The following ACTL8 variants were observed in gnomAD, a reference collection of about 807,000 sequenced individuals.
The protein encoded by ACTL8 is actin-like protein 8.
A neutral mutation model predicts 9.3 loss-of-function variants in ACTL8; 3 were observed. That is an observed-to-expected ratio of 0.32 (90% CI 0.15 to 0.83). The LOEUF is 0.83. Ranked by LOEUF, ACTL8 falls within the 40% of genes least tolerant of loss-of-function variation. ACTL8 has a pLI of 0.57. For missense variants in ACTL8, 381 were observed against 492.2 expected, an observed-to-expected ratio of 0.77 and a Z score of 2.14; for synonymous variants, 224 against 205.9, an observed-to-expected ratio of 1.09 and a Z score of -0.75.
Position 17,757,603 on chromosome 1 carries a change from G to A in ACTL8, c.-25+2099G>A, listed in dbSNP as rs2065976951. 2.0e-5 allele frequency among the ~76,000 whole-genome samples: 3 copies of A among 151,824 alleles called. No homozygotes were observed. In the South Asian group the frequency reaches 6.3e-4, roughly 32 times the overall value. On this transcript the variant is annotated intron_variant, in intron 1 of 2. Coordinates refer to ENST00000375406, the MANE Select transcript of ACTL8 (RefSeq NM_030812.3). The stretch of plus-strand genomic sequence containing the variant: ...CGGCTGGAGCAGATGCTGTTCTCAA[G>A]ACTCATCACAGCCACCTGCTGTTGT...
chr1:17,763,602 A>G (rs1483788389), intron 1 of ACTL8, among the ~76,000 whole-genome samples: 1 of 152,166 alleles, frequency 6.6e-6, no homozygotes, highest in Non-Finnish European at 1.5e-5. Context: ...CTGGCTCCAC[A>G]GCCTTTGTAA....
chr1:17,799,837 A>T (rs1389526545), intron 1 of ACTL8, among the ~76,000 whole-genome samples: 1 of 105,440 alleles, frequency 9.5e-6, no homozygotes, highest in African/African-American at 3.7e-5. Flanking sequence ...CGCCCCCACC[A>T]CCCACATCCA....
chr1:17,801,659 T>C (rs2066323495), intron 1 of ACTL8, among the ~76,000 whole-genome samples: 1 of 152,206 alleles, frequency 6.6e-6, no homozygotes, highest in African/African-American at 2.4e-5. Context: ...GCTCAAAGCA[T>C]ACAAAATTAA....
At chr1:17,819,785 C>CT (rs1309857035) in intron 1 of ACTL8, among the ~76,000 whole-genome samples, 5 of 152,044 alleles carry the variant, frequency 3.3e-5, no homozygotes. Flanking sequence ...AATCCCAGCA[C>CT]TTTGGGAGGC....
chr1:17,784,970 A>G (rs1205749890), intron 1 of ACTL8, among the ~76,000 whole-genome samples: 1 of 152,246 alleles, frequency 6.6e-6, no homozygotes, highest in Non-Finnish European at 1.5e-5. Flanking sequence ...TTTTACATGG[A>G]TGGCAGCAGG....
intron 1 of ACTL8, among the ~76,000 whole-genome samples, chr1:17,820,075 A>G (rs889869055): frequency 1.3e-5 from 2 of 152,210 alleles, no homozygotes; most frequent in African/African-American, 2.4e-5. Flanking sequence ...AATTTAACAA[A>G]TGCATACAGA....
chr1:17,812,023 A>C (rs12136011), intron 1 of ACTL8, among the ~76,000 whole-genome samples: 2 of 151,144 alleles, frequency 1.3e-5, no homozygotes, highest in Non-Finnish European at 1.5e-5. Context: ...TAATTTTTTT[A>C]TTTTTTGTAT....
intron 1 of ACTL8, among the ~76,000 whole-genome samples, chr1:17,816,335 G>A (rs2066425974): frequency 1.3e-5 from 2 of 151,606 alleles, no homozygotes; most frequent in African/African-American, 4.9e-5. Flanking sequence ...CTGAGTAGCT[G>A]GGACCACAGG....
In ACTL8 at chr1:17,767,829, C is replaced by T. The variant is rs182563222; in HGVS notation, c.-25+12325C>T. Among the ~76,000 whole-genome samples the T allele has an allele frequency of 3.0e-4, 45 of 152,204 alleles. 1 individual carries two copies. The highest frequency in any genetic ancestry group is 2.1e-3 in the Admixed American group (32 of 15,290). ...CAGTCTGATGCCGTGACTGCTGACA[C>T]GGGAGGAATGACACTGCGTTACTCA... On this transcript the variant is annotated intron_variant, in intron 1 of 2. Coordinates refer to ENST00000375406, the MANE Select transcript of ACTL8 (RefSeq NM_030812.3). This position sits in a 1 kb window ranked among gnomAD's most constrained non-coding sequence, Gnocchi z 4.7.
chr1:17,798,939 C>T (rs186409343), intron 1 of ACTL8, among the ~76,000 whole-genome samples: 16 of 152,294 alleles, frequency 1.1e-4, no homozygotes, highest in South Asian at 1.0e-3. Context: ...CTACCCCACA[C>T]GCTGTTTGAA....
chr1:17,805,274 G>C (rs553145692), intron 1 of ACTL8, among the ~76,000 whole-genome samples: 1 of 151,564 alleles, frequency 6.6e-6, no homozygotes, highest in Admixed American at 6.6e-5. Flanking sequence ...TCTAAAACAG[G>C]AACTCTTTCA....
At chr1:17,814,765 C>T (rs1221690897) in intron 1 of ACTL8, among the ~76,000 whole-genome samples, 5 of 151,782 alleles carry the variant, frequency 3.3e-5, no homozygotes, top group South Asian at 2.1e-4. Flanking sequence ...ACAATACATA[C>T]CATTATGTTA....
chr1:17,764,748 G>C (rs2066032215), intron 1 of ACTL8, among the ~76,000 whole-genome samples: 1 of 152,214 alleles, frequency 6.6e-6, no homozygotes, highest in Non-Finnish European at 1.5e-5. Context: ...CTTGTCTTGA[G>C]GCCCGCGTTC....
At chr1:17,793,960 C>T (rs778890726) in intron 1 of ACTL8, among the ~76,000 whole-genome samples, 2 of 152,174 alleles carry the variant, frequency 1.3e-5, no homozygotes, top group African/African-American at 4.8e-5. Flanking sequence ...AGCTTCTTGT[C>T]AGCTCTCTTT....
chr1:17,782,334 C>T (rs189482355), intron 1 of ACTL8, among the ~76,000 whole-genome samples: 23 of 152,078 alleles, frequency 1.5e-4, no homozygotes, highest in South Asian at 6.2e-4. Flanking sequence ...AGAATACGGG[C>T]GAAAGTGCTC....
At chr1:17,822,643 T>C (rs537225989) in intron 1 of ACTL8, among the ~76,000 whole-genome samples, 6 of 152,120 alleles carry the variant, frequency 3.9e-5, no homozygotes, top group Non-Finnish European at 8.8e-5. Flanking sequence ...TCTTGCTGAG[T>C]CTGCCAAGAG....
chr1:17,770,871 G>T (rs986513445), intron 1 of ACTL8, among the ~76,000 whole-genome samples: 1 of 152,148 alleles, frequency 6.6e-6, no homozygotes, highest in Non-Finnish European at 1.5e-5. Context: ...AAGAATAGGG[G>T]AAGTGGGTAG....
At chr1:17,763,029 C>G (rs965753475) in intron 1 of ACTL8, among the ~76,000 whole-genome samples, 1 of 152,080 alleles carries the variant, frequency 6.6e-6, no homozygotes, top group Admixed American at 6.5e-5. Flanking sequence ...CTTACCTTGC[C>G]GTGGCAAGTT....
intron 1 of ACTL8, among the ~76,000 whole-genome samples, chr1:17,762,487 C>T (rs558246702): frequency 1.8e-4 from 28 of 152,132 alleles, no homozygotes; most frequent in East Asian, 3.9e-4. Context: ...ACACCTGGGC[C>T]GGGAGCCATC....
Sources: allele counts gnomAD v4.1 joint callset (sites outside exome capture counted in the v4.1 genomes callset), GRCh38; gene constraint gnomAD v4.1.1; non-coding constraint Gnocchi (gnomAD v3.1); transcripts MANE v1.5; gene names NCBI Gene and HGNC (gene_info 2026-07-23, HGNC 2026-07-21).